PPP2R2C: variants seen among roughly 807,000 people sequenced by gnomAD.
PPP2R2C encodes the protein protein phosphatase 2, regulatory subunit B, gamma.
Under a neutral mutation model 45.3 loss-of-function variants are expected in PPP2R2C, and 10 were observed. The observed-to-expected ratio is 0.22, with a 90% CI of 0.14 to 0.37. The LOEUF is 0.37. PPP2R2C is among the 10% of genes least tolerant of loss of function. PPP2R2C has a pLI of 1.00. For missense variants in PPP2R2C, 308 were observed against 619.7 expected (o/e 0.50, Z 5.34); for synonymous variants, 257 against 245.4 (o/e 1.05, Z -0.44).
In PPP2R2C at chr4:6,372,536, G is replaced by A. The variant is rs35410672; in HGVS notation, c.612C>T (p.Thr204=). ...AGTGAAGGATACTGAAGCTCCTGTC[G>A]GTGATGGCCAGGTGCCAGAGGTTGA... ...LRINLWHLAI[T]DRSFNIVDIK... Residue 204 remains threonine (T), a synonymous_variant, in exon 5 of 9, where the codon ACC becomes ACT. Transcript: ENST00000382599. 8,267 of 1,614,092 alleles carry A rather than the reference G, an allele frequency of 5.1e-3. 264 individuals carry two copies. In the African/African-American group the frequency reaches 0.077, roughly 15 times the overall value.
At chr4:6,549,977 A>G (rs1008808059) in intron 1 of PPP2R2C, among the ~76,000 whole-genome samples, 3 of 152,174 alleles carry the variant, frequency 2.0e-5, no homozygotes, top group Admixed American at 6.5e-5. Flanking sequence ...CCCTGTGCCA[A>G]TAAAGGTCTG....
chr4:6,335,161 T>A (rs572540125), intron 6 of PPP2R2C, among the ~76,000 whole-genome samples: 1 of 152,190 alleles, frequency 6.6e-6, no homozygotes, highest in Non-Finnish European at 1.5e-5. Flanking sequence ...GTGACCAGCA[T>A]AAAGCCACTG....
chr4:6,341,821 C>G (rs1421999064), intron 6 of PPP2R2C, among the ~76,000 whole-genome samples: 1 of 152,082 alleles, frequency 6.6e-6, no homozygotes, highest in Non-Finnish European at 1.5e-5. Context: ...TGGAAAAGAT[C>G]AGAAAACAGC....
At chr4:6,435,374 T>C (rs1297935316) in intron 1 of PPP2R2C, among the ~76,000 whole-genome samples, 1 of 152,216 alleles carries the variant, frequency 6.6e-6, no homozygotes, top group Non-Finnish European at 1.5e-5. Flanking sequence ...TGTTACCACC[T>C]CTCCTGAGTT....
chr4:6,449,652 C>G (rs1056738417), intron 1 of PPP2R2C, among the ~76,000 whole-genome samples: 2 of 152,230 alleles, frequency 1.3e-5, no homozygotes, highest in African/African-American at 4.8e-5. Flanking sequence ...AAACAAATCT[C>G]TAAGTCCCCA....
chr4:6,384,671 C>T, intron 1 of PPP2R2C: 1 of 985,444 alleles, frequency 1.0e-6, no homozygotes, highest in Non-Finnish European at 1.2e-6. Flanking sequence ...TCCACAAATG[C>T]TGGGTGGTTA....
intron 1 of PPP2R2C, among the ~76,000 whole-genome samples, chr4:6,391,463 T>C (rs1376434460): frequency 6.6e-6 from 1 of 152,022 alleles, no homozygotes; most frequent in South Asian, 2.1e-4. Context: ...TAATATCACC[T>C]CCCCTGAGCT....
chr4:6,552,765 G>A (rs1419906427), intron 1 of PPP2R2C, among the ~76,000 whole-genome samples: 2 of 152,114 alleles, frequency 1.3e-5, no homozygotes, highest in African/African-American at 2.4e-5. Flanking sequence ...ATCTTTGGGG[G>A]GCATTATTCT....
At chr4:6,510,885 G>A (rs1294004982) in intron 2 of PPP2R2C, among the ~76,000 whole-genome samples, 1 of 150,644 alleles carries the variant, frequency 6.6e-6, no homozygotes, top group East Asian at 2.0e-4. Flanking sequence ...GCTGAGGTAG[G>A]AGAATTGCTG....
chr4:6,527,410 T>C (rs1045969820), intron 2 of PPP2R2C, among the ~76,000 whole-genome samples: 3 of 148,040 alleles, frequency 2.0e-5, no homozygotes, highest in Non-Finnish European at 4.5e-5. Context: ...AGAACACCCC[T>C]CTCTCTTTCT....
At chr4:6,486,580 T>C (rs1722536774) in intron 2 of PPP2R2C, among the ~76,000 whole-genome samples, 1 of 152,120 alleles carries the variant, frequency 6.6e-6, no homozygotes, top group Non-Finnish European at 1.5e-5. Context: ...TTTAATTAAT[T>C]GTTCCCTTTA....
rs59905632 is a variant in PPP2R2C, at chr4:6,481,978, CAAAAAAAAAA to C, written c.49+53283_49+53292del. Among the ~76,000 whole-genome samples, 263 of 81,148 alleles carry C rather than the reference CAAAAAAAAAA, an allele frequency of 3.2e-3. 1 individual carries two copies. Among genetic ancestry groups the C allele is most frequent in the African/African-American group, 0.012 (225 of 19,084 alleles). 53.2% of individuals were successfully genotyped at this position (81,148 alleles called of 152,430 possible). ...TGGGTGACAGAGCGAGACTCCGTCT[CAAAAAAAAAA>C]AAAAAAAAAAAAAAAAGTAAAAAGG... On this transcript the variant is annotated intron_variant, in intron 2 of 9. Coordinates refer to the PPP2R2C transcript ENST00000506140.
chr4:6,340,698 C>G (rs1733379173), intron 6 of PPP2R2C, among the ~76,000 whole-genome samples: 1 of 152,264 alleles, frequency 6.6e-6, no homozygotes, highest in African/African-American at 2.4e-5. Context: ...TACCTCACCC[C>G]TCAGCTTATT....
intron 5 of PPP2R2C, chr4:6,350,102 CT>C: frequency 1.0e-6 from 1 of 985,416 alleles, no homozygotes; most frequent in Non-Finnish European, 1.2e-6. Flanking sequence ...TAAGGCATCA[CT>C]GCCTGGCTGG....
chr4:6,511,058 C>G (rs1254103679), intron 2 of PPP2R2C, among the ~76,000 whole-genome samples: 2 of 150,734 alleles, frequency 1.3e-5, no homozygotes, highest in Non-Finnish European at 2.9e-5. Flanking sequence ...TATTTGATTT[C>G]TGTCTCCAAC....
intron 3 of PPP2R2C, among the ~76,000 whole-genome samples, chr4:6,376,912 C>G (rs1426741983): frequency 1.3e-5 from 2 of 152,310 alleles, no homozygotes; most frequent in South Asian, 4.1e-4. Flanking sequence ...CAGATCCTGC[C>G]TTTGAGGTGC....
At chr4:6,554,729 G>A (rs895572633) in intron 1 of PPP2R2C, among the ~76,000 whole-genome samples, 1 of 151,730 alleles carries the variant, frequency 6.6e-6, no homozygotes, top group African/African-American at 2.4e-5. Context: ...GCCTGGTGGT[G>A]CACACCTGTA....
upstream of PPP2R2C, among the ~76,000 whole-genome samples, chr4:6,474,141 GC>G (rs1722051226): frequency 6.6e-6 from 1 of 151,736 alleles, no homozygotes; most frequent in South Asian, 2.1e-4. Context: ...ACCCACATTG[GC>G]CCCCACCCAC....
intron 1 of PPP2R2C, among the ~76,000 whole-genome samples, chr4:6,437,846 G>A (rs1037605468): frequency 2.0e-5 from 3 of 149,300 alleles, no homozygotes; most frequent in Admixed American, 1.3e-4. Context: ...CTGTGTAGAT[G>A]CATGGCCTCT....
Sources: allele counts gnomAD v4.1 joint callset (sites outside exome capture counted in the v4.1 genomes callset), GRCh38; gene constraint gnomAD v4.1.1; transcripts MANE v1.5; gene names NCBI Gene and HGNC (gene_info 2026-07-23, HGNC 2026-07-21).